Variants in TOMM20 observed in about 807,000 individuals in gnomAD.
TOMM20 encodes the protein translocase of outer mitochondrial membrane 20, also known as mitochondrial import receptor subunit TOM20 homolog.
A neutral mutation model predicts 22.1 loss-of-function variants in TOMM20; 10 were observed. The observed-to-expected ratio is 0.45, with a 90% CI of 0.28 to 0.77. The LOEUF (loss-of-function observed/expected upper bound fraction) is 0.77, where lower values mean the gene tolerates loss of function less well. Ranked by LOEUF, TOMM20 falls within the 30% of genes least tolerant of loss-of-function variation. The pLI is 0.13. For synonymous variants in TOMM20, 55 were observed against 61.4 expected, an observed-to-expected ratio of 0.90 and a Z score of 0.49; for missense variants, 121 against 172.2, an observed-to-expected ratio of 0.70 and a Z score of 1.66.
intron 1 of TOMM20, among the ~76,000 whole-genome samples, chr1:235,123,562 A>C (rs183067469): frequency 4.8e-4 from 73 of 152,322 alleles, no homozygotes; most frequent in African/African-American, 1.6e-3. Flanking sequence ...CAACCCTCAT[A>C]AACTGGATTT....
chr1:235,114,623 G>A (rs146685056), intron 3 of TOMM20, among the ~76,000 whole-genome samples: 1,724 of 151,710 alleles, frequency 0.011, 29 homozygotes, highest in African/African-American at 0.036. Flanking sequence ...ATTTTTAGTA[G>A]AGACGAGGTT....
At chr1:235,115,731 G>A (rs867172449) in intron 3 of TOMM20, among the ~76,000 whole-genome samples, 9 of 152,190 alleles carry the variant, frequency 5.9e-5, no homozygotes, top group South Asian at 2.1e-4. Flanking sequence ...TACTGCCTTT[G>A]CTCCAAACTG....
At chr1:235,128,403 C>T (rs1661069975) in intron 1 of TOMM20, among the ~76,000 whole-genome samples, 192 bp downstream of exon 1, 1 of 152,242 alleles carries the variant, frequency 6.6e-6, no homozygotes. Context: ...GGGAAAAATC[C>T]TTCCTCCAAA....
rs1572134395 is a variant in TOMM20, at chr1:235,128,804, A to G, written c.-89T>C. 6 of 1,573,740 alleles carry G rather than the reference A, an allele frequency of 3.8e-6. No homozygotes were observed. The highest frequency in any genetic ancestry group is 2.3e-5 in the East Asian group (1 of 44,264). ...ACCCTCAGAGCGGTCGGCGCAGCTCACACCCGACGGCCGCGGGCCAGGAAC... is the reference window on the plus strand; with the variant it reads ...ACCCTCAGAGCGGTCGGCGCAGCTCGCACCCGACGGCCGCGGGCCAGGAAC... On this transcript the variant is annotated 5_prime_UTR_variant, in exon 1 of 5. Transcript: ENST00000366607.
chr1:235,126,435 A>G (rs1324150068), intron 1 of TOMM20, among the ~76,000 whole-genome samples: 1 of 152,096 alleles, frequency 6.6e-6, no homozygotes, highest in Non-Finnish European at 1.5e-5. Flanking sequence ...CCCAGCCTCA[A>G]TTACCTGTGA....
Position 235,122,336 on chromosome 1 carries a change from C to T in TOMM20, c.158G>A (p.Gly53Glu). Reference sequence around the variant, plus strand: ...AAACCAGACTATTACCTTGGAAAGCCCAGCTCTCTCCTTGGCAAGCTTCTG... The same window carrying T: ...AAACCAGACTATTACCTTGGAAAGCTCAGCTCTCTCCTTGGCAAGCTTCTG... ...KKQKLAKERA[G>E]LSKLPDLKDA... Residue 53 changes from glycine to glutamate, a missense_variant, in exon 2 of 5, where the codon GGG (glycine) becomes GAG (glutamate). Transcript: ENST00000366607. 2 of 1,555,146 alleles carry T rather than the reference C, an allele frequency of 1.3e-6. No individual in the cohort carries two copies. The highest frequency in any genetic ancestry group is 1.7e-6 in the Non-Finnish European group (2 of 1,152,622).
At chr1:235,121,331 TCA>T (rs2102811531) in intron 2 of TOMM20, among the ~76,000 whole-genome samples, 1 of 152,336 alleles carries the variant, frequency 6.6e-6, no homozygotes, top group East Asian at 1.9e-4. Flanking sequence ...GAGACATCTT[TCA>T]CACACTACCC....
At chr1:235,116,785 C>A (rs749778009) in intron 3 of TOMM20, among the ~76,000 whole-genome samples, 3 of 152,060 alleles carry the variant, frequency 2.0e-5, no homozygotes, top group Non-Finnish European at 4.4e-5. Context: ...TTACTAGATT[C>A]TTTTTATTTA....
chr1:235,117,433 C>G (rs1422718571), intron 3 of TOMM20, among the ~76,000 whole-genome samples: 1 of 149,550 alleles, frequency 6.7e-6, no homozygotes, highest in Non-Finnish European at 1.5e-5. Context: ...ACTCCACCCA[C>G]TGCACTCTGG....
intron 1 of TOMM20, among the ~76,000 whole-genome samples, chr1:235,124,237 C>A (rs1482594388): frequency 6.6e-6 from 1 of 152,232 alleles, no homozygotes; most frequent in Non-Finnish European, 1.5e-5. Context: ...GTCCTAGCTA[C>A]TCGAGAGGCT....
At chr1:235,115,711 A>G (rs1660817087) in intron 3 of TOMM20, among the ~76,000 whole-genome samples, 1 of 152,242 alleles carries the variant, frequency 6.6e-6, no homozygotes, top group Non-Finnish European at 1.5e-5. Flanking sequence ...TGTACTTCTG[A>G]GCAGATATTT....
chr1:235,127,835 C>G (rs558393991), intron 1 of TOMM20: 6 of 519,042 alleles, frequency 1.2e-5, no homozygotes, highest in African/African-American at 1.2e-4. Context: ...GACTGAGCCA[C>G]GGGAGAAGCG....
At chr1:235,125,202 T>C (rs1431127289) in intron 1 of TOMM20, among the ~76,000 whole-genome samples, 2 of 149,070 alleles carry the variant, frequency 1.3e-5, no homozygotes, top group African/African-American at 5.0e-5. Context: ...TATAAGGCTC[T>C]CTTCTTTTAT....
At chr1:235,112,189 T>C in intron 4 of TOMM20, 81 bp from the exon 5 acceptor site, 11 of 1,112,950 alleles carry the variant, frequency 9.9e-6, no homozygotes. Flanking sequence ...ATGCTCTTTG[T>C]ATTCAAAGAA....
rs113022632 is a variant in TOMM20, at chr1:235,111,867, C to T, written c.*197G>A. Reference sequence around the variant, plus strand: ...TAGTGTATTTATAGAATGAAAAGTTCTCTATCAAAATACACTTTTCACTGG... The same window carrying T: ...TAGTGTATTTATAGAATGAAAAGTTTTCTATCAAAATACACTTTTCACTGG... On this transcript the variant is annotated 3_prime_UTR_variant, in exon 5 of 5. Transcript: ENST00000366607. The T allele has an allele frequency of 3.5e-6, 2 of 565,174 alleles. No homozygotes were observed. Among genetic ancestry groups the T allele is most frequent in the Non-Finnish European group, 6.3e-6 (2 of 317,956 alleles). The allele number at this position is 565,174 out of a possible 1,614,324, so 35.0% of individuals were successfully genotyped here.
chr1:235,125,853 G>T (rs766062730), intron 1 of TOMM20, among the ~76,000 whole-genome samples: 14 of 150,538 alleles, frequency 9.3e-5, no homozygotes, highest in Middle Eastern at 7.1e-3. Flanking sequence ...AGGTTCAAGC[G>T]ATCTTCCTAC....
At position 235,119,809 on chromosome 1, in the gene TOMM20, G is replaced by C; in HGVS notation, c.250+9C>G. On this transcript the variant is annotated intron_variant, in intron 3 of 4. Transcript: ENST00000366607. Reference sequence around the variant, plus strand: ...CTACCCATTTCCTTAGCTTTTCAATGACTATTACCTTGAGCTAGTAACTCT... The same window carrying C: ...CTACCCATTTCCTTAGCTTTTCAATCACTATTACCTTGAGCTAGTAACTCT... 1 of 1,581,132 alleles carries C rather than the reference G, an allele frequency of 6.3e-7. No individual in the cohort carries two copies. Among genetic ancestry groups the C allele is most frequent in the Non-Finnish European group, 8.6e-7 (1 of 1,158,638 alleles).
chr1:235,126,058 T>C (rs1296739692), intron 1 of TOMM20, among the ~76,000 whole-genome samples: 1 of 147,640 alleles, frequency 6.8e-6, no homozygotes, highest in Non-Finnish European at 1.5e-5. Flanking sequence ...GCCTGGTCGA[T>C]AGATTAGATT....
At chr1:235,114,280 C>G (rs191408074) in intron 3 of TOMM20, among the ~76,000 whole-genome samples, 1 of 151,954 alleles carries the variant, frequency 6.6e-6, no homozygotes, top group Admixed American at 6.6e-5. Flanking sequence ...AAAGAAGACC[C>G]AATTTCACAT....
Sources: allele counts gnomAD v4.1 joint callset (sites outside exome capture counted in the v4.1 genomes callset), GRCh38; gene constraint gnomAD v4.1.1; transcripts MANE v1.5; gene names NCBI Gene and HGNC (gene_info 2026-07-23, HGNC 2026-07-21).